TCEA1: variants seen among roughly 807,000 people sequenced by gnomAD.
The protein encoded by TCEA1 is transcription elongation factor A1.
A neutral mutation model predicts 43.8 loss-of-function variants in TCEA1; 21 were observed. That is an observed-to-expected ratio of 0.48 (90% CI 0.34 to 0.69). TCEA1 has a LOEUF of 0.69. Ranked by LOEUF, TCEA1 falls within the 30% of genes least tolerant of loss-of-function variation. TCEA1 has a pLI of 0.01. For synonymous variants in TCEA1, 104 were observed against 117.5 expected (o/e 0.88, Z 0.75); for missense variants, 250 against 365.1 (o/e 0.68, Z 2.57).
chr8:53,991,766 T>A (rs1803891023), intron 4 of TCEA1, among the ~76,000 whole-genome samples: 1 of 151,552 alleles, frequency 6.6e-6, no homozygotes, highest in South Asian at 2.1e-4. Flanking sequence ...ATTCCAGATT[T>A]AAGAAAACTA....
At chr8:53,976,594 A>C (rs1000851003) in intron 8 of TCEA1, among the ~76,000 whole-genome samples, 119 of 152,368 alleles carry the variant, frequency 7.8e-4, no homozygotes, top group African/African-American at 2.7e-3. Context: ...TAAAAGAAAC[A>C]AACTTGGTAT....
rs1375267348 is a variant in TCEA1, at chr8:53,988,279, C to T, written c.321-20G>A. The T allele has an allele frequency of 1.9e-6, 3 of 1,603,180 alleles. No individual in the cohort carries two copies. Among genetic ancestry groups the T allele is most frequent in the African/African-American group, 2.7e-5 (2 of 74,692 alleles). On this transcript the variant is annotated intron_variant, in intron 4 of 9. Coordinates refer to ENST00000521604, the MANE Select transcript of TCEA1 (RefSeq NM_006756.4). ...GAAGTACTGAAATACGCACAAACAC[C>T]CCAAAAAGAAATCAAGAACAATCCT...
At chr8:53,996,903 CT>C (rs754537318) in intron 3 of TCEA1, among the ~76,000 whole-genome samples, 253 of 116,456 alleles carry the variant, frequency 2.2e-3, no homozygotes, top group Non-Finnish European at 2.1e-3. Flanking sequence ...AGAAGGTTGT[CT>C]TTTTTTTTTT....
chr8:54,013,747 G>T (rs1804734016), intron 1 of TCEA1, among the ~76,000 whole-genome samples: 1 of 149,956 alleles, frequency 6.7e-6, no homozygotes, highest in African/African-American at 2.4e-5. Context: ...TGATCTGAAT[G>T]AGTGAAATGC....
chr8:53,985,802 G>A (rs145494901), intron 6 of TCEA1, among the ~76,000 whole-genome samples: 79 of 152,322 alleles, frequency 5.2e-4, no homozygotes, highest in African/African-American at 1.8e-3. Flanking sequence ...AGGTGACTGT[G>A]TGTGCTCTGA....
In TCEA1 at chr8:53,987,026, C is replaced by T; in HGVS notation, c.467-1G>A. ...TCAGCTCCAATTGCAATGTAGTCAT[C>T]TAAAAATAGGCATAAAGAATTGTCA... On this transcript the variant is annotated splice_acceptor_variant, in intron 5 of 9. Transcript: ENST00000521604. LOFTEE classifies it high-confidence loss of function. 6.3e-7 allele frequency: 1 copy of T among 1,593,532 alleles called. No individual in the cohort carries two copies. Among genetic ancestry groups the T allele is most frequent in the African/African-American group, 1.3e-5 (1 of 74,406 alleles).
chr8:53,999,224 C>CAAA lies in TCEA1; in HGVS notation c.232+718_232+720dup, dbSNP rs57357613. The stretch of plus-strand genomic sequence containing the variant: ...TGGGCAACAGAGTGAGACTCAGTCT[C>CAAA]AAAAAAAAAAAAAAAAAAAAAAGAA... On this transcript the variant is annotated intron_variant, in intron 3 of 9. Coordinates refer to ENST00000521604, the MANE Select transcript of TCEA1 (RefSeq NM_006756.4). Among the ~76,000 whole-genome samples the CAAA allele has an allele frequency of 7.5e-3, 481 of 64,196 alleles. 2 individuals carry two copies. The highest frequency in any genetic ancestry group is 0.016 in the African/African-American group (296 of 18,910). The allele number at this position is 64,196 out of a possible 152,430, so 42.1% of individuals were successfully genotyped here.
chr8:53,993,696 G>A lies in TCEA1; in HGVS notation c.292C>T (p.Gln98Ter). 1.2e-6 allele frequency: 2 copies of A among 1,613,702 alleles called. No individual in the cohort carries two copies. The highest frequency in any genetic ancestry group is 2.2e-5 in the South Asian group (2 of 91,048). The part of the protein sequence containing the change: ...EKKKEPAITS[Q>*]NSPEAREEST... ...TCTTCTCTTGCCTCAGGGCTGTTCT[G>A]CGATGTAATTGCAGGTTCTTTCTTC... Residue 98 changes from glutamine to a stop codon, truncating the protein, a stop_gained, in exon 4 of 10, where the codon CAG becomes TAG. Transcript: ENST00000521604. LOFTEE classifies it high-confidence loss of function.
intron 4 of TCEA1, among the ~76,000 whole-genome samples, chr8:53,991,895 T>G (rs949786416): frequency 6.6e-6 from 1 of 151,622 alleles, no homozygotes; most frequent in East Asian, 1.9e-4. Flanking sequence ...TTAATATAGT[T>G]AATACAAATA....
intron 2 of TCEA1, among the ~76,000 whole-genome samples, chr8:54,001,873 G>T (rs1473897948): frequency 1.3e-5 from 2 of 152,104 alleles, no homozygotes; most frequent in Admixed American, 1.3e-4. Flanking sequence ...GAGGGGCACG[G>T]TGGCTCACAC....
intron 1 of TCEA1, among the ~76,000 whole-genome samples, chr8:54,018,361 A>G (rs1804906719): frequency 6.6e-6 from 1 of 152,208 alleles, no homozygotes; most frequent in Non-Finnish European, 1.5e-5. Flanking sequence ...TATAATCTAA[A>G]TGAATCCTTT....
chr8:53,979,215 A>C, intron 7 of TCEA1, 44 bp from the exon 8 acceptor site: 2 of 1,534,060 alleles, frequency 1.3e-6, no homozygotes, highest in Non-Finnish European at 1.8e-6. Flanking sequence ...GACACCTTCT[A>C]TATATATCCT....
At chr8:54,010,085 TGAA>T (rs1804604967) in intron 2 of TCEA1, 1 of 222,146 alleles carries the variant, frequency 4.5e-6, no homozygotes, top group African/African-American at 2.4e-5. Flanking sequence ...ATCCTCACCC[TGAA>T]GCTAGCTTCA....
chr8:54,014,182 G>C (rs1804747323), intron 1 of TCEA1, among the ~76,000 whole-genome samples: 1 of 152,202 alleles, frequency 6.6e-6, no homozygotes, highest in Non-Finnish European at 1.5e-5. Context: ...TCATGAACTA[G>C]TCGCCTGACC....
chr8:54,015,669 C>G (rs1186936347), intron 1 of TCEA1, among the ~76,000 whole-genome samples: 1 of 152,094 alleles, frequency 6.6e-6, no homozygotes, highest in Non-Finnish European at 1.5e-5. Context: ...AAGGCCACAA[C>G]CAAGAGCAGA....
chr8:54,007,960 T>C (rs1354438595), intron 2 of TCEA1, among the ~76,000 whole-genome samples: 2 of 151,778 alleles, frequency 1.3e-5, no homozygotes, highest in Non-Finnish European at 2.9e-5. Context: ...GGATGGTGGA[T>C]CACCCGAGGT....
chr8:53,978,794 T>C (rs914431839), intron 8 of TCEA1: 2 of 413,016 alleles, frequency 4.8e-6, no homozygotes, highest in Non-Finnish European at 8.6e-6. Flanking sequence ...AATCTCTTCC[T>C]ATGCCTAATT....
intron 2 of TCEA1, among the ~76,000 whole-genome samples, chr8:54,006,476 T>C (rs891372897): frequency 1.1e-4 from 17 of 151,384 alleles, no homozygotes; most frequent in African/African-American, 3.2e-4. Context: ...TGAAACTCCA[T>C]CTCAAAGAAA....
At chr8:53,971,783 TAA>T in intron 8 of TCEA1, 1 of 238,118 alleles carries the variant, frequency 4.2e-6, no homozygotes. Context: ...AACTCCAGAC[TAA>T]AAAAGAAATA....
Sources: allele counts gnomAD v4.1 joint callset (sites outside exome capture counted in the v4.1 genomes callset), GRCh38; gene constraint gnomAD v4.1.1; transcripts MANE v1.5; gene names NCBI Gene and HGNC (gene_info 2026-07-23, HGNC 2026-07-21).